EPB41L2: variants seen among roughly 807,000 people sequenced by gnomAD.
The protein encoded by EPB41L2 is band 4.1-like protein 2.
Under a neutral mutation model 113.0 loss-of-function variants are expected in EPB41L2, and 43 were observed. That is an observed-to-expected ratio of 0.38 (90% CI 0.30 to 0.49). The LOEUF is 0.49. EPB41L2 is among the 20% of genes least tolerant of loss of function. The probability of loss-of-function intolerance (pLI) is 0.95; values close to 1 mark genes in which losing one functional copy is unlikely to be tolerated. For missense variants in EPB41L2, 1,147 were observed against 1,223.4 expected, an observed-to-expected ratio of 0.94 and a Z score of 0.93; for synonymous variants, 442 against 436.7, an observed-to-expected ratio of 1.01 and a Z score of -0.15.
intron 1 of EPB41L2, among the ~76,000 whole-genome samples, chr6:131,057,242 C>T (rs1797775866): frequency 1.3e-5 from 2 of 152,170 alleles, no homozygotes; most frequent in East Asian, 3.9e-4. Context: ...CACACACACA[C>T]AGAGATGCTG....
chr6:131,045,200 G>A (rs557981438), intron 1 of EPB41L2, among the ~76,000 whole-genome samples: 3 of 151,724 alleles, frequency 2.0e-5, no homozygotes, highest in Admixed American at 6.6e-5. Context: ...GTTTCCACTC[G>A]TCTTTATTGA....
Position 130,890,475 on chromosome 6 carries a change from G to T in EPB41L2, c.1488-9C>A. ...GCTCTGGAGAAACAAGCCTATGGGA[G>T]GAAAAAAAAAAAAAAAGAGAGAGAG... On this transcript the variant is annotated splice_polypyrimidine_tract_variant and intron_variant, in intron 10 of 19. Transcript: ENST00000337057. 5 of 1,179,802 alleles carry T rather than the reference G, an allele frequency of 4.2e-6. No individual in the cohort carries two copies. The highest frequency in any genetic ancestry group is 3.4e-5 in the East Asian group (1 of 29,604). 73.1% of individuals were successfully genotyped at this position (1,179,802 alleles called of 1,614,324 possible).
intron 4 of EPB41L2, among the ~76,000 whole-genome samples, chr6:130,917,142 T>G (rs1801377060): frequency 1.3e-5 from 2 of 152,166 alleles, no homozygotes; most frequent in African/African-American, 4.8e-5. Flanking sequence ...GCAACCACAG[T>G]CATCAACTGG....
chr6:130,925,103 C>T (rs548408626), intron 4 of EPB41L2, among the ~76,000 whole-genome samples: 4 of 151,916 alleles, frequency 2.6e-5, no homozygotes, highest in Non-Finnish European at 4.4e-5. Flanking sequence ...AATAAAAAAA[C>T]AGTATATCCT....
At chr6:130,982,634 C>T (rs192672784) in intron 1 of EPB41L2, among the ~76,000 whole-genome samples, 114 of 152,256 alleles carry the variant, frequency 7.5e-4, no homozygotes, top group Admixed American at 2.0e-3. Context: ...AATTATGCAA[C>T]GTTCTCTGCA....
At chr6:130,927,366 G>A (rs976763557) in intron 3 of EPB41L2, among the ~76,000 whole-genome samples, 3 of 152,106 alleles carry the variant, frequency 2.0e-5, no homozygotes, top group Non-Finnish European at 4.4e-5. Flanking sequence ...AAGCTGCTGT[G>A]AACAGAGATG....
At chr6:131,041,191 TA>T (rs1794395740) in intron 1 of EPB41L2, among the ~76,000 whole-genome samples, 1 of 152,184 alleles carries the variant, frequency 6.6e-6, no homozygotes, top group African/African-American at 2.4e-5. Flanking sequence ...GTGTGCTGGT[TA>T]AACGGGAAAC....
chr6:130,886,105 T>C (rs1043411934), intron 11 of EPB41L2, among the ~76,000 whole-genome samples: 7 of 152,206 alleles, frequency 4.6e-5, no homozygotes, highest in Admixed American at 1.3e-4. Flanking sequence ...CATTTCACTT[T>C]ACATAAAAAG....
chr6:131,007,226 G>A lies in EPB41L2; in HGVS notation c.-14-50727C>T, dbSNP rs375871985. Among the ~76,000 whole-genome samples, 29 of 152,238 alleles carry A rather than the reference G, an allele frequency of 1.9e-4. No individual in the cohort carries two copies. In the East Asian group the frequency reaches 4.3e-3, roughly 22 times the overall value. ...GGGCAGTTTCCCCGATTCTGTTCTC[G>A]TGACAGTGAGTTCTCATAAGATATT... On this transcript the variant is annotated intron_variant, in intron 1 of 19. Coordinates refer to ENST00000337057, the MANE Select transcript of EPB41L2 (RefSeq NM_001431.4).
intron 1 of EPB41L2, among the ~76,000 whole-genome samples, chr6:130,957,507 A>C (rs1021565589): frequency 6.6e-6 from 1 of 152,146 alleles, no homozygotes; most frequent in Non-Finnish European, 1.5e-5. Flanking sequence ...AAAGGTGGTA[A>C]AAACTTAAGA....
chr6:131,050,325 C>T (rs192752323), intron 1 of EPB41L2, among the ~76,000 whole-genome samples: 51 of 152,114 alleles, frequency 3.4e-4, no homozygotes, highest in Middle Eastern at 3.4e-3. Flanking sequence ...GGCAACAGAG[C>T]GAGACTCTGT....
At chr6:130,852,484 C>T (rs912452785) in intron 19 of EPB41L2, among the ~76,000 whole-genome samples, 6 of 152,104 alleles carry the variant, frequency 3.9e-5, no homozygotes, top group South Asian at 2.1e-4. Context: ...GCCATAGTAA[C>T]GTGGCCATGA....
chr6:130,950,761 C>A (rs1308920733), intron 3 of EPB41L2, among the ~76,000 whole-genome samples: 1 of 152,044 alleles, frequency 6.6e-6, no homozygotes, highest in Non-Finnish European at 1.5e-5. Flanking sequence ...ATGCAAAAGT[C>A]CTAAATAAAA....
chr6:131,024,929 T>C (rs1013923463), intron 1 of EPB41L2, among the ~76,000 whole-genome samples: 1 of 152,242 alleles, frequency 6.6e-6, no homozygotes, highest in African/African-American at 2.4e-5. Context: ...CTTAATTCCC[T>C]TTATTCTCCT....
chr6:130,871,938 G>A lies in EPB41L2; in HGVS notation c.2044-1812C>T, dbSNP rs970323055. ...TGCCCAAGTTCAGGGAATTCCTTAG[G>A]GTCATTCAAAAGCAATTATGTCATG... On this transcript the variant is annotated intron_variant, in intron 14 of 19. Transcript: ENST00000337057. Among the ~76,000 whole-genome samples, 7 of 152,054 alleles carry A rather than the reference G, an allele frequency of 4.6e-5. No homozygotes were observed. The South Asian group carries it at 1.2e-3, about 27-fold the overall frequency.
At chr6:130,935,852 T>C (rs1326493897) in intron 3 of EPB41L2, among the ~76,000 whole-genome samples, 1 of 152,110 alleles carries the variant, frequency 6.6e-6, no homozygotes, top group Non-Finnish European at 1.5e-5. Context: ...CAGAAGGCTA[T>C]TCCAGGAACC....
chr6:130,946,742 T>G (rs1179751021), intron 3 of EPB41L2, among the ~76,000 whole-genome samples: 1 of 152,120 alleles, frequency 6.6e-6, no homozygotes, highest in Non-Finnish European at 1.5e-5. Context: ...ATTAATTATA[T>G]AGAGTGAGTA....
At chr6:130,873,845 C>A (rs148549823) in intron 14 of EPB41L2, among the ~76,000 whole-genome samples, 226 of 152,164 alleles carry the variant, frequency 1.5e-3, no homozygotes, top group Middle Eastern at 3.4e-3. Flanking sequence ...GGGTGAGGAG[C>A]GCAGAAAGTG....
At chr6:130,946,241 G>A (rs994621260) in intron 3 of EPB41L2, among the ~76,000 whole-genome samples, 3 of 152,188 alleles carry the variant, frequency 2.0e-5, no homozygotes, top group South Asian at 2.1e-4. Context: ...CAAAATTAAC[G>A]CATGGCTTAG....
Sources: gnomAD v4.1 joint callset for allele counts (sites outside exome capture counted in the v4.1 genomes callset) on GRCh38, gnomAD v4.1.1 for gene constraint, MANE v1.5 for transcripts, NCBI Gene and HGNC (gene_info 2026-07-23, HGNC 2026-07-21) for gene names.